GRN: variants seen among roughly 807,000 people sequenced by gnomAD.
GRN encodes progranulin.
A neutral mutation model predicts 66.7 loss-of-function variants in GRN; 30 were observed. That is an observed-to-expected ratio of 0.45 (90% CI 0.34 to 0.61). GRN has a LOEUF of 0.61. Ranked by LOEUF, GRN falls within the 20% of genes least tolerant of loss-of-function variation. The pLI, the probability that GRN is intolerant of heterozygous loss-of-function variation, is 0.01. For synonymous variants in GRN, 327 were observed against 311.1 expected (o/e 1.05, Z -0.54); for missense variants, 731 against 803.5 (o/e 0.91, Z 1.09).
intron 7 of GRN, 75 bp downstream of exon 7, chr17:44,350,875 C>T (rs2048366749): frequency 1.4e-6 from 2 of 1,411,340 alleles, no homozygotes; most frequent in Admixed American, 3.4e-5. Flanking sequence ...TACAGGGGCT[C>T]TGTGGCATGG....
In GRN at chr17:44,350,977, C is replaced by T. The variant is rs1030973406; in HGVS notation, c.709-60C>T. 4.4e-6 allele frequency: 7 copies of T among 1,592,022 alleles called. No individual in the cohort carries two copies. In the African/African-American group the frequency reaches 6.7e-5, roughly 15 times the overall value. On this transcript the variant is annotated intron_variant, in intron 7 of 12. Coordinates refer to ENST00000053867, the MANE Select transcript of GRN (RefSeq NM_002087.4). ...GGGGCAGTGCCAGCCATCAGCCTGGCTGCTCCCTGTGTGCTACTGAGCCTG... is the reference window on the plus strand; with the variant it reads ...GGGGCAGTGCCAGCCATCAGCCTGGTTGCTCCCTGTGTGCTACTGAGCCTG...
At chr17:44,351,922 G>C in intron 10 of GRN, 93 bp from the exon 11 acceptor site, 1 of 1,460,008 alleles carries the variant, frequency 6.8e-7, no homozygotes, top group Non-Finnish European at 9.5e-7. Flanking sequence ...TGGAGGTGCT[G>C]TAAGCAGGAG....
Position 44,350,800 on chromosome 17 carries a change from CGTGA to C in GRN, c.708+6_708+9del, listed in dbSNP as rs778599933. 41 of 1,606,050 alleles carry C rather than the reference CGTGA, an allele frequency of 2.6e-5. No individual in the cohort carries two copies. The highest frequency in any genetic ancestry group is 3.4e-5 in the Non-Finnish European group (40 of 1,172,790). ...AGTATGGCTGCTGCCCAATGCCCAA[CGTGA>C]GTGAGGGGCTGGAGCCAGCTTGGCT... On this transcript the variant is annotated splice_donor_variant and splice_donor_region_variant and intron_variant, in intron 7 of 12. Coordinates refer to ENST00000053867, the MANE Select transcript of GRN (RefSeq NM_002087.4). LOFTEE classifies it high-confidence loss of function.
intron 4 of GRN, 64 bp from the exon 5 acceptor site, chr17:44,350,164 T>G: frequency 9.0e-7 from 1 of 1,110,204 alleles, no homozygotes; most frequent in Non-Finnish European, 1.4e-6. Flanking sequence ...ACCAGCTCCT[T>G]GTGTGATGGG....
At chr17:44,348,609 C>A (rs1391509835) in intron 1 of GRN, among the ~76,000 whole-genome samples, 2 of 152,214 alleles carry the variant, frequency 1.3e-5, no homozygotes, top group African/African-American at 4.8e-5. Flanking sequence ...TCACAACTTT[C>A]TCACCCCTGT....
In GRN at chr17:44,350,040, C is replaced by CT. The variant is rs540525334; in HGVS notation, c.350-186dup. 2.3e-4 allele frequency: 156 copies of CT among 674,334 alleles called. No homozygotes were observed. In the African/African-American group the frequency reaches 2.4e-3, roughly 11 times the overall value. The allele number at this position is 674,334 out of a possible 1,614,324, so 41.8% of individuals were successfully genotyped here. The stretch of plus-strand genomic sequence containing the variant: ...AGTGGGTGCCCCTTCCCCATGCCAT[C>CT]TTGCTGAGGGAGGGACTGGATTGTG... On this transcript the variant is annotated intron_variant, in intron 4 of 12. Transcript: ENST00000053867.
intron 1 of GRN, chr17:44,345,826 G>T (rs1007953335): frequency 6.6e-6 from 1 of 152,246 alleles, no homozygotes; most frequent in Non-Finnish European, 1.5e-5. Context: ...GCTAGCTTCC[G>T]CCTCTCCCAG....
chr17:44,351,998 T>A lies in GRN; in HGVS notation c.1180-17T>A. Reference sequence around the variant, plus strand: ...CATAGTGGCTACCTACAACGCCCTTTCCTGCCCACCCCCCAGGCTGTCTGC... The same window carrying A: ...CATAGTGGCTACCTACAACGCCCTTACCTGCCCACCCCCCAGGCTGTCTGC... On this transcript the variant is annotated splice_polypyrimidine_tract_variant and intron_variant, in intron 10 of 12. Transcript: ENST00000053867. 6.2e-7 allele frequency: 1 copy of A among 1,603,072 alleles called. No individual in the cohort carries two copies. The highest frequency in any genetic ancestry group is 8.5e-7 in the Non-Finnish European group (1 of 1,171,620).
At position 44,353,063 on chromosome 17, in the gene GRN, T is replaced by TGTGTGCGC. The variant is rs1305612202; in HGVS notation, c.*273_*280dup. 6.9e-6 allele frequency: 4 copies of TGTGTGCGC among 582,712 alleles called. No individual in the cohort carries two copies. Among genetic ancestry groups the TGTGTGCGC allele is most frequent in the Non-Finnish European group, 1.2e-5 (4 of 325,458 alleles). 36.1% of individuals were successfully genotyped at this position (582,712 alleles called of 1,614,324 possible). On this transcript the variant is annotated 3_prime_UTR_variant, in exon 13 of 13. Transcript: ENST00000053867. ...TTCCCTATCCACAGGGGTGTTTGTG[T>TGTGTGCGC]GTGTGCGCGTGTGCGTTTCAATAAA...
rs369649646 is a variant in GRN at position 44,350,307 on chromosome 17, C to T, written c.429C>T (p.Val143=). Residue 143 remains valine (V), a synonymous_variant, in exon 5 of 13, where the codon GTC becomes GTT. Transcript: ENST00000053867. ...CPDFSTCCVM[V]DGSWGCCPMP... is the part of the protein sequence containing the mutation. ...ACTTCTCCACGTGCTGTGTTATGGT[C>T]GATGGCTCCTGGGGGTGCTGCCCCA... The T allele has an allele frequency of 3.3e-5, 54 of 1,612,776 alleles. No homozygotes were observed. Among genetic ancestry groups the T allele is most frequent in the Admixed American group, 1.5e-4 (9 of 59,810 alleles).
chr17:44,349,826 G>A (rs1017170254), intron 4 of GRN, 75 bp downstream of exon 4: 55 of 1,003,768 alleles, frequency 5.5e-5, no homozygotes, highest in Middle Eastern at 2.7e-4. Flanking sequence ...CCCAGCTGGC[G>A]GGGGCAGCCC....
rs2048388595 is a variant in GRN, at chr17:44,352,580, C to T, written c.1644+9C>T. Reference sequence around the variant, plus strand: ...GCTGTCCCTACCGCCAGGTCAGTGCCAACCCCCATCCTGGGGCTGGGTATG... The same window carrying T: ...GCTGTCCCTACCGCCAGGTCAGTGCTAACCCCCATCCTGGGGCTGGGTATG... On this transcript the variant is annotated intron_variant, in intron 12 of 12. Coordinates refer to ENST00000053867, the MANE Select transcript of GRN (RefSeq NM_002087.4). The T allele has an allele frequency of 6.2e-7, 1 of 1,612,682 alleles. No homozygotes were observed. Among genetic ancestry groups the T allele is most frequent in the East Asian group, 2.2e-5 (1 of 44,878 alleles).
In GRN at chr17:44,350,791, A is replaced by C; in HGVS notation, c.699A>C (p.Pro233=). 1.9e-6 allele frequency: 3 copies of C among 1,610,846 alleles called. No individual in the cohort carries two copies. In the South Asian group the frequency reaches 3.3e-5, roughly 18 times the overall value. Residue 233 remains proline, a synonymous_variant, in exon 7 of 13, where the codon CCA becomes CCC. Transcript: ENST00000053867. ...CCAGTGGGAAGTATGGCTGCTGCCC[A>C]ATGCCCAACGTGAGTGAGGGGCTGG... ...ELPSGKYGCC[P]MPNATCCSDH... is the part of the protein sequence containing the mutation.
intron 8 of GRN, 84 bp downstream of exon 8, chr17:44,351,247 G>T: frequency 3.2e-6 from 5 of 1,569,870 alleles, no homozygotes; most frequent in Non-Finnish European, 4.4e-6. Context: ...GCAAGGTGGT[G>T]TAAGCGGTAC....
chr17:44,351,241 G>C, intron 8 of GRN, 78 bp downstream of exon 8: 2 of 1,577,346 alleles, frequency 1.3e-6, no homozygotes, highest in Non-Finnish European at 1.7e-6. Flanking sequence ...ATCACTGCAA[G>C]GTGGTGTAAG....
rs1567885586 is a variant in GRN at position 44,349,477 on chromosome 17, G to A, written c.190G>A (p.Asp64Asn). The A allele has an allele frequency of 6.2e-7, 1 of 1,614,198 alleles. No homozygotes were observed. ...GCATCTGGGTGGCCCCTGCCAGGTTGATGCCCACTGCTCTGCCGGCCACTC... is the reference window on the plus strand; with the variant it reads ...GCATCTGGGTGGCCCCTGCCAGGTTAATGCCCACTGCTCTGCCGGCCACTC... ...SRHLGGPCQVDAHCSAGHSCI... is the reference protein window; with the variant it reads ...SRHLGGPCQVNAHCSAGHSCI... The change falls in exon 3 of 13, where the codon GAT becomes AAT. Residue 64 changes from aspartate to asparagine, a missense_variant. Transcript: ENST00000053867.
In GRN at chr17:44,351,789, C is replaced by A; in HGVS notation, c.1173C>A (p.Ile391=). ...LTSGEWGCCP[I]PEAVCCSDHQ... ...CTGGGGAGTGGGGCTGCTGTCCAAT[C>A]CCAGAGGTATATGGGAGGGGACAGC... The change falls in exon 10 of 13, where the codon ATC becomes ATA. Residue 391 remains isoleucine (I), a synonymous_variant. Transcript: ENST00000053867. The A allele has an allele frequency of 6.2e-7, 1 of 1,613,200 alleles. No individual in the cohort carries two copies.
At chr17:44,348,885 G>A (rs2048344826) in intron 1 of GRN, among the ~76,000 whole-genome samples, 1 of 152,206 alleles carries the variant, frequency 6.6e-6, no homozygotes, top group South Asian at 2.1e-4. Flanking sequence ...CAGGCATTAG[G>A]CCATGTGCTG....
At position 44,351,892 on chromosome 17, in the gene GRN, C is replaced by CT. The variant is rs1403849125; in HGVS notation, c.1179+98dup. On this transcript the variant is annotated intron_variant, in intron 10 of 12. Transcript: ENST00000053867. Reference sequence around the variant, plus strand: ...CATAGCCCATAGGTGATACCCAGCTCTGACAGATTCGTCCCCAGCTGGAGG... The same window carrying CT: ...CATAGCCCATAGGTGATACCCAGCTCTTGACAGATTCGTCCCCAGCTGGAGG... 6 of 1,502,230 alleles carry CT rather than the reference C, an allele frequency of 4.0e-6. No individual in the cohort carries two copies. The African/African-American group carries it at 8.2e-5, about 21-fold the overall frequency. The allele number at this position is 1,502,230 out of a possible 1,614,324, so 93.1% of individuals were successfully genotyped here.
Sources: gnomAD v4.1 joint callset for allele counts (sites outside exome capture counted in the v4.1 genomes callset) on GRCh38, gnomAD v4.1.1 for gene constraint, MANE v1.5 for transcripts, NCBI Gene and HGNC (gene_info 2026-07-23, HGNC 2026-07-21) for gene names.